YEATS2: variants seen among roughly 807,000 people sequenced by gnomAD.
YEATS2 encodes YEATS domain containing 2.
YEATS2 carries 77 observed loss-of-function variants against 163.2 expected under a neutral mutation model. The observed-to-expected ratio is 0.47, with a 90% CI of 0.39 to 0.57. YEATS2 has a LOEUF of 0.57. Ranked by LOEUF, YEATS2 falls within the 20% of genes least tolerant of loss-of-function variation. The probability of loss-of-function intolerance (pLI) is 0.00; values close to 1 mark genes in which losing one functional copy is unlikely to be tolerated. For synonymous variants in YEATS2, 631 were observed against 645.1 expected, an observed-to-expected ratio of 0.98 and a Z score of 0.33; for missense variants, 1,549 against 1,729.8, an observed-to-expected ratio of 0.90 and a Z score of 1.85.
At chr3:183,714,953 G>C (rs1320702197) in intron 1 of YEATS2, among the ~76,000 whole-genome samples, 191 bp from the exon 2 acceptor site, 1 of 150,050 alleles carries the variant, frequency 6.7e-6, no homozygotes, top group African/African-American at 2.5e-5. Flanking sequence ...TTAGGCTTTT[G>C]GCCTTAAAAG....
At position 183,801,498 on chromosome 3, in the gene YEATS2, G is replaced by A. The variant is rs1197878918; in HGVS notation, c.3472G>A (p.Val1158Ile). The part of the protein sequence containing the change: ...ETIQQLLTAV[V>I]KKIPLITAKS... ...TATCCAGCAACTCCTAACTGCAGTA[G>A]TAAAGAAGATTCCATTAATCACTGC... The change falls in exon 25 of 31, where the codon GTA becomes ATA. Residue 1158 changes from valine to isoleucine, a missense_variant. By Grantham distance (29) the Val-to-Ile change is conservative (BLOSUM62 3). Coordinates refer to ENST00000305135, the MANE Select transcript of YEATS2 (RefSeq NM_018023.5). 1.2e-6 allele frequency: 2 copies of A among 1,611,236 alleles called. No homozygotes were observed. Among genetic ancestry groups the A allele is most frequent in the African/African-American group, 1.3e-5 (1 of 74,982 alleles).
chr3:183,728,172 C>T (rs1004351798), intron 6 of YEATS2, among the ~76,000 whole-genome samples: 5 of 152,074 alleles, frequency 3.3e-5, no homozygotes, highest in African/African-American at 4.8e-5. Context: ...TCAGGCAGTC[C>T]TCCCACCTCA....
At position 183,778,122 on chromosome 3, in the gene YEATS2, A is replaced by G. The variant is rs189696939; in HGVS notation, c.2736+422A>G. 2.7e-5 allele frequency among the ~76,000 whole-genome samples: 4 copies of G among 148,598 alleles called. No individual in the cohort carries two copies. The East Asian group carries it at 7.7e-4, about 29-fold the overall frequency. On this transcript the variant is annotated intron_variant, in intron 19 of 30. Transcript: ENST00000305135. ...GCAAGATTCTGTCTCAAAAAAAAAA[A>G]AAAAAAGAAAAAAAAAGAAAAAATG...
intron 1 of YEATS2, among the ~76,000 whole-genome samples, chr3:183,706,325 CAG>C (rs755908313): frequency 1.6e-4 from 25 of 152,000 alleles, no homozygotes; most frequent in Non-Finnish European, 2.9e-4. Flanking sequence ...GAGAGGGAGA[CAG>C]GGCGCAGTTC....
intron 1 of YEATS2, among the ~76,000 whole-genome samples, chr3:183,704,459 C>A (rs1267946406): frequency 1.3e-5 from 2 of 151,938 alleles, no homozygotes; most frequent in Non-Finnish European, 2.9e-5. Context: ...TAGTCTGTTA[C>A]TTTAGTTTTA....
intron 1 of YEATS2, among the ~76,000 whole-genome samples, chr3:183,702,609 G>GA (rs1714212869): frequency 1.3e-5 from 2 of 152,078 alleles, no homozygotes; most frequent in Admixed American, 6.6e-5. Flanking sequence ...GGCTGAGGCG[G>GA]GTGGATCACC....
At chr3:183,760,426 G>A (rs942715296) in intron 13 of YEATS2, among the ~76,000 whole-genome samples, 37 of 148,598 alleles carry the variant, frequency 2.5e-4, no homozygotes, top group African/African-American at 8.9e-4. Flanking sequence ...GAGTTCAAGC[G>A]ATTCTGCGGT....
At chr3:183,749,020 G>C (rs927202163) in intron 9 of YEATS2, among the ~76,000 whole-genome samples, 4 of 152,016 alleles carry the variant, frequency 2.6e-5, no homozygotes, top group Non-Finnish European at 5.9e-5. Context: ...TCCACTCACT[G>C]CAAGCTCCGC....
chr3:183,806,753 G>C (rs1043785522), intron 27 of YEATS2, 113 bp from the exon 28 acceptor site: 25 of 1,035,798 alleles, frequency 2.4e-5, no homozygotes, highest in Non-Finnish European at 3.1e-5. Flanking sequence ...CTGGAAAGAA[G>C]GTCAGCTCCC....
intron 21 of YEATS2, among the ~76,000 whole-genome samples, chr3:183,794,047 G>A (rs1249189260): frequency 1.3e-5 from 2 of 152,222 alleles, no homozygotes; most frequent in African/African-American, 4.8e-5. Flanking sequence ...AACGGAGAGA[G>A]CATAAGGAGA....
At chr3:183,719,470 G>T (rs755342955) in intron 4 of YEATS2, among the ~76,000 whole-genome samples, 32 of 152,234 alleles carry the variant, frequency 2.1e-4, no homozygotes, top group Middle Eastern at 3.4e-3. Flanking sequence ...CCTCCTAATT[G>T]TTAGCATTAT....
At chr3:183,714,541 T>C (rs541015756) in intron 1 of YEATS2, among the ~76,000 whole-genome samples, 2 of 152,152 alleles carry the variant, frequency 1.3e-5, no homozygotes, top group East Asian at 3.9e-4. Context: ...GACTTGTGTA[T>C]GTGGGGCTTG....
At chr3:183,797,863 T>C (rs1560328903) in intron 21 of YEATS2, 60 bp from the exon 22 acceptor site, 5 of 1,607,602 alleles carry the variant, frequency 3.1e-6, no homozygotes, top group Non-Finnish European at 4.3e-6. Context: ...GCACAGAGGA[T>C]AAGAGACTTT....
rs555921174 is a variant in YEATS2, at chr3:183,724,441, C to T, written c.560C>T (p.Ser187Phe). 7 of 1,612,202 alleles carry T rather than the reference C, an allele frequency of 4.3e-6. No homozygotes were observed. The South Asian group carries it at 5.5e-5, about 13-fold the overall frequency. ...TGRDTSRITG[S>F]HKTEQRNADL... Reference sequence around the variant, plus strand: ...CAGGATACTTCTAGAATTACTGGCTCCCATAAAACAGAACAGCGGAATGCT... The same window carrying T: ...CAGGATACTTCTAGAATTACTGGCTTCCATAAAACAGAACAGCGGAATGCT... Residue 187 changes from serine to phenylalanine, a missense_variant, in exon 6 of 31, where the codon TCC becomes TTC. Transcript: ENST00000305135.
intron 27 of YEATS2, 60 bp from the exon 28 acceptor site, chr3:183,806,806 A>ACGGAAAGTCCT: frequency 6.3e-7 from 1 of 1,576,964 alleles, no homozygotes; most frequent in South Asian, 1.1e-5. Flanking sequence ...TCTCTTGGAG[A>ACGGAAAGTCCT]CGGAAAGTCC....
chr3:183,767,435 C>G (rs1293926677), intron 15 of YEATS2, among the ~76,000 whole-genome samples: 1 of 151,466 alleles, frequency 6.6e-6, no homozygotes, highest in African/African-American at 2.4e-5. Context: ...GGCTGGAGAG[C>G]AGTGGCGCCA....
chr3:183,768,089 G>A (rs138210485), intron 15 of YEATS2, among the ~76,000 whole-genome samples: 2 of 152,316 alleles, frequency 1.3e-5, no homozygotes, highest in East Asian at 3.9e-4. Context: ...TAAGAGAAAA[G>A]TTCAACTACT....
At chr3:183,772,992 TAAC>T (rs1247380204) in intron 16 of YEATS2, among the ~76,000 whole-genome samples, 5 of 152,212 alleles carry the variant, frequency 3.3e-5, no homozygotes, top group African/African-American at 7.2e-5. Flanking sequence ...ACAATGTAAA[TAAC>T]AATGTAATAA....
chr3:183,711,807 A>T (rs950181239), intron 1 of YEATS2, among the ~76,000 whole-genome samples: 9 of 147,892 alleles, frequency 6.1e-5, no homozygotes, highest in African/African-American at 2.3e-4. Flanking sequence ...GGACTTTTAA[A>T]TAGTGTGTTT....
Sources: allele counts gnomAD v4.1 joint callset (sites outside exome capture counted in the v4.1 genomes callset), GRCh38; gene constraint gnomAD v4.1.1; transcripts MANE v1.5; gene names NCBI Gene and HGNC (gene_info 2026-07-23, HGNC 2026-07-21).